Variants in AUTS2 observed in about 807,000 individuals in gnomAD.
The protein encoded by AUTS2 is autism susceptibility gene 2 protein.
Under a neutral mutation model 112.4 loss-of-function variants are expected in AUTS2, and 17 were observed. The ratio of observed to expected loss-of-function variants is 0.15; its 90% CI spans 0.10 to 0.23. The LOEUF (loss-of-function observed/expected upper bound fraction) is 0.23, where lower values mean the gene tolerates loss of function less well. Among genes scored for constraint, AUTS2 ranks in the 10% least tolerant of loss-of-function variants. The probability of loss-of-function intolerance (pLI) is 1.00; values close to 1 mark genes in which losing one functional copy is unlikely to be tolerated. For synonymous variants in AUTS2, 751 were observed against 702.7 expected (o/e 1.07, Z -1.09); for missense variants, 1,510 against 1,701.6 (o/e 0.89, Z 1.98).
chr7:69,660,611 G>T (rs1044165543), intron 1 of AUTS2, among the ~76,000 whole-genome samples: 1 of 152,170 alleles, frequency 6.6e-6, no homozygotes, highest in Admixed American at 6.5e-5. Flanking sequence ...CATGGCTGTT[G>T]TAAAACTAAT....
At chr7:70,004,170 A>ATT (rs1418809654) in intron 2 of AUTS2, among the ~76,000 whole-genome samples, 58 of 75,146 alleles carry the variant, frequency 7.7e-4, no homozygotes, top group South Asian at 1.6e-3. Context: ...GAATATATAT[A>ATT]ATATGAATGT....
chr7:69,654,954 G>C (rs1479134733), intron 1 of AUTS2, among the ~76,000 whole-genome samples: 2 of 152,110 alleles, frequency 1.3e-5, no homozygotes. Context: ...GTAAAGATTA[G>C]TTAATTGGTA....
intron 4 of AUTS2, among the ~76,000 whole-genome samples, chr7:70,211,236 A>T (rs1810867914): frequency 6.6e-6 from 1 of 152,036 alleles, no homozygotes; most frequent in Non-Finnish European, 1.5e-5. Context: ...ATAAACAGAC[A>T]TATCAAAAGT....
Position 70,790,632 on chromosome 7 carries a change from C to G in AUTS2, c.3416C>G (p.Pro1139Arg), listed in dbSNP as rs762069191. The G allele has an allele frequency of 4.3e-6, 7 of 1,611,832 alleles. No homozygotes were observed. Among genetic ancestry groups the G allele is most frequent in the Non-Finnish European group, 5.9e-6 (7 of 1,179,314 alleles). The change falls in exon 19 of 19, where the codon CCT becomes CGT. Residue 1139 changes from proline (P) to arginine (R), a missense_variant. Pro to Arg is a moderately radical substitution (Grantham distance 103, BLOSUM62 -2). Around this residue, in one of 3 missense-constraint regions of AUTS2, gnomAD observed 788 missense variants for 797.6 expected, o/e 0.99. Transcript: ENST00000342771. This position sits in a 1 kb window ranked among gnomAD's most constrained non-coding sequence, Gnocchi z 7.6. ...HHHHHPLSVDPRREHERGGHL... is the reference protein window; with the variant it reads ...HHHHHPLSVDRRREHERGGHL... The stretch of plus-strand genomic sequence containing the variant: ...CACCACCACCCGCTGTCTGTGGACC[C>G]TCGGCGGGAGCACGAGCGGGGAGGC...
chr7:70,065,028 GAACA>G (rs777801323), intron 2 of AUTS2, among the ~76,000 whole-genome samples: 1 of 152,144 alleles, frequency 6.6e-6, no homozygotes, highest in African/African-American at 2.4e-5. Flanking sequence ...CCAAATGATT[GAACA>G]AACAAAGGAG....
At chr7:69,994,156 A>C (rs541382644) in intron 2 of AUTS2, among the ~76,000 whole-genome samples, 2 of 152,236 alleles carry the variant, frequency 1.3e-5, no homozygotes, top group East Asian at 1.9e-4. Flanking sequence ...GCTTGAGCCC[A>C]GAAGTTTGAG....
At chr7:69,914,354 CAG>C (rs1206112942) in intron 2 of AUTS2, among the ~76,000 whole-genome samples, 3 of 115,652 alleles carry the variant, frequency 2.6e-5, no homozygotes, top group South Asian at 3.5e-4. Context: ...CACACACACA[CAG>C]ACACACACAC....
intron 1 of AUTS2, among the ~76,000 whole-genome samples, chr7:69,645,393 G>A (rs1794980560): frequency 6.6e-6 from 1 of 152,154 alleles, no homozygotes; most frequent in Non-Finnish European, 1.5e-5. Context: ...TTAAAGGGAG[G>A]ATTGTAAAAG....
chr7:70,452,487 A>G (rs919073846), intron 5 of AUTS2, among the ~76,000 whole-genome samples: 5 of 152,072 alleles, frequency 3.3e-5, no homozygotes, highest in African/African-American at 1.2e-4. Context: ...AATAATAAGG[A>G]TTCAGTAAAT....
At chr7:69,691,057 A>T (rs1471756827) in intron 1 of AUTS2, among the ~76,000 whole-genome samples, 2 of 152,176 alleles carry the variant, frequency 1.3e-5, no homozygotes, top group African/African-American at 4.8e-5. Context: ...GAGGAGACCC[A>T]AAGTGGGTAT....
chr7:70,101,655 A>G (rs1031802108), intron 2 of AUTS2, among the ~76,000 whole-genome samples: 1 of 152,212 alleles, frequency 6.6e-6, no homozygotes, highest in African/African-American at 2.4e-5. Flanking sequence ...AGGTTGTGCT[A>G]CTGCACTCCA....
chr7:69,882,277 C>T (rs1024301810), intron 1 of AUTS2, among the ~76,000 whole-genome samples: 7 of 151,802 alleles, frequency 4.6e-5, no homozygotes, highest in Admixed American at 1.3e-4. Context: ...AGTTTGAGAC[C>T]AGCCTGGGCA....
chr7:70,153,167 C>A (rs9638585), intron 4 of AUTS2, among the ~76,000 whole-genome samples: 1 of 152,182 alleles, frequency 6.6e-6, no homozygotes, highest in East Asian at 1.9e-4. Flanking sequence ...TGGAAATTGG[C>A]CATATGTTCA....
intron 1 of AUTS2, among the ~76,000 whole-genome samples, chr7:69,869,378 T>C (rs1793380104): frequency 6.6e-6 from 1 of 152,146 alleles, no homozygotes; most frequent in African/African-American, 2.4e-5. Flanking sequence ...TTTGATATAT[T>C]TTATTTCTGA....
chr7:69,671,978 G>T (rs1796348534), intron 1 of AUTS2, among the ~76,000 whole-genome samples: 1 of 152,030 alleles, frequency 6.6e-6, no homozygotes, highest in Non-Finnish European at 1.5e-5. Flanking sequence ...ATGCAAGGCA[G>T]GGTCTGAGGC....
intron 1 of AUTS2, among the ~76,000 whole-genome samples, chr7:69,771,531 A>C (rs1428860180): frequency 6.6e-6 from 1 of 152,146 alleles, no homozygotes; most frequent in Non-Finnish European, 1.5e-5. Context: ...GCAGCAGTAG[A>C]AGTGACAAAA....
At chr7:70,059,557 T>C (rs1490209274) in intron 2 of AUTS2, among the ~76,000 whole-genome samples, 3 of 152,164 alleles carry the variant, frequency 2.0e-5, no homozygotes, top group Non-Finnish European at 4.4e-5. Context: ...GCAAGAGTCA[T>C]ATGAGAATCG....
chr7:70,171,438 C>T (rs1304652420), intron 4 of AUTS2, among the ~76,000 whole-genome samples: 1 of 152,060 alleles, frequency 6.6e-6, no homozygotes, highest in Non-Finnish European at 1.5e-5. Context: ...TTTGTGGGAG[C>T]CTCCTTTTCA....
intron 2 of AUTS2, among the ~76,000 whole-genome samples, chr7:70,110,821 T>C (rs1805035137): frequency 6.6e-6 from 1 of 151,014 alleles, no homozygotes; most frequent in Admixed American, 6.6e-5. Context: ...GACTTTACGA[T>C]ACATGAATTT....
Sources: allele counts gnomAD v4.1 joint callset (sites outside exome capture counted in the v4.1 genomes callset), GRCh38; gene constraint gnomAD v4.1.1; regional missense constraint gnomAD v4.1.1; non-coding constraint Gnocchi (gnomAD v3.1); transcripts MANE v1.5; gene names NCBI Gene and HGNC (gene_info 2026-07-23, HGNC 2026-07-21).